Variants in SLCO3A1 observed in about 807,000 individuals in gnomAD.
SLCO3A1 encodes PGE1 transporter.
A neutral mutation model predicts 63.1 loss-of-function variants in SLCO3A1; 27 were observed. The observed-to-expected ratio is 0.43, with a 90% CI of 0.32 to 0.59. The LOEUF (loss-of-function observed/expected upper bound fraction) is 0.59, where lower values mean the gene tolerates loss of function less well. SLCO3A1 is among the 20% of genes least tolerant of loss of function. The probability of loss-of-function intolerance (pLI) is 0.09; values close to 1 mark genes in which losing one functional copy is unlikely to be tolerated. For missense variants in SLCO3A1, 773 were observed against 945.8 expected (o/e 0.82, Z 2.40); for synonymous variants, 473 against 409.9 (o/e 1.15, Z -1.86).
intron 9 of SLCO3A1, chr15:92,153,674 G>A (rs985662557): frequency 6.6e-6 from 1 of 152,310 alleles, no homozygotes; most frequent in Non-Finnish European, 1.5e-5. Context: ...TATGTAGAAG[G>A]GCCTCCTAAT....
intron 2 of SLCO3A1, among the ~76,000 whole-genome samples, chr15:92,016,258 A>ATATAGATAGATAGAT (rs2046433133): frequency 1.6e-5 from 2 of 126,174 alleles, no homozygotes; most frequent in African/African-American, 6.6e-5. Context: ...GATAGATTAG[A>ATATAGATAGATAGAT]TAGATAGATA....
At chr15:91,905,648 TA>T (rs1211589403) in intron 1 of SLCO3A1, among the ~76,000 whole-genome samples, 1 of 151,996 alleles carries the variant, frequency 6.6e-6, no homozygotes, top group African/African-American at 2.4e-5. Context: ...TTTTTTAAGT[TA>T]CGTGGTCAAG....
intron 2 of SLCO3A1, among the ~76,000 whole-genome samples, chr15:92,016,204 T>TATAGATAG (rs1039964856): frequency 0.095 from 11,339 of 119,726 alleles, 641 homozygotes; most frequent in South Asian, 0.13. Context: ...TATATATTTA[T>TATAGATAG]ATAGATAGAT....
At chr15:92,016,254 T>TAGATAGATAGATTAGA in intron 2 of SLCO3A1, among the ~76,000 whole-genome samples, 2,055 of 95,460 alleles carry the variant, frequency 0.022, 21 homozygotes, top group Non-Finnish European at 0.025. Context: ...GATAGATAGA[T>TAGATAGATAGATTAGA]TAGATAGATA....
intron 2 of SLCO3A1, among the ~76,000 whole-genome samples, chr15:92,060,312 T>G (rs112277305): frequency 0.14 from 21,222 of 151,902 alleles, 1,473 homozygotes; most frequent in Non-Finnish European, 0.15. Context: ...GTAATCCCAG[T>G]AGTTTGGGAG....
chr15:92,084,158 T>C lies in SLCO3A1; in HGVS notation c.647-10723T>C, dbSNP rs145166515. Among the ~76,000 whole-genome samples, 514 of 152,280 alleles carry C rather than the reference T, an allele frequency of 3.4e-3. 6 individuals carry two copies. The highest frequency in any genetic ancestry group is 0.012 in the African/African-American group (491 of 41,564). Reference sequence around the variant, plus strand: ...AAGAAAGACAGTACAAATATAATAATGCCTAAAGGGAAATATGAGAACGAT... The same window carrying C: ...AAGAAAGACAGTACAAATATAATAACGCCTAAAGGGAAATATGAGAACGAT... On this transcript the variant is annotated intron_variant, in intron 2 of 9. Transcript: ENST00000318445.
intron 2 of SLCO3A1, among the ~76,000 whole-genome samples, chr15:91,984,906 A>G (rs2046031430): frequency 6.6e-6 from 1 of 152,182 alleles, no homozygotes; most frequent in East Asian, 1.9e-4. Context: ...TTGTATTATT[A>G]TCTTCAACTC....
At chr15:92,011,664 A>G (rs530790893) in intron 2 of SLCO3A1, among the ~76,000 whole-genome samples, 60 of 152,196 alleles carry the variant, frequency 3.9e-4, no homozygotes, top group African/African-American at 1.4e-3. Context: ...TGATGTATTT[A>G]TATTGTTATT....
chr15:91,988,044 T>C (rs191084148), intron 2 of SLCO3A1, among the ~76,000 whole-genome samples: 1 of 152,330 alleles, frequency 6.6e-6, no homozygotes, highest in East Asian at 1.9e-4. Context: ...TGACAGATAA[T>C]TGTGTTTTAT....
At chr15:92,035,272 A>G (rs2046710852) in intron 2 of SLCO3A1, among the ~76,000 whole-genome samples, 2 of 151,822 alleles carry the variant, frequency 1.3e-5, no homozygotes, top group South Asian at 4.2e-4. Flanking sequence ...TGTGCTGTAT[A>G]TGTTATGTCA....
At position 92,164,325 on chromosome 15, in the gene SLCO3A1, G is replaced by A. The variant is rs781761576; in HGVS notation, c.*1190G>A. On this transcript the variant is annotated 3_prime_UTR_variant, in exon 10 of 10. Transcript: ENST00000318445. ...ATGTGTTACAAGAAGAAAAAAAAAT[G>A]CTTCAAAAAGAGAGTGTATATGCAG... 1 of 984,734 alleles carries A rather than the reference G, an allele frequency of 1.0e-6. No individual in the cohort carries two copies. Among genetic ancestry groups the A allele is most frequent in the Non-Finnish European group, 1.2e-6 (1 of 829,330 alleles). The allele number at this position is 984,734 out of a possible 1,614,324, so 61.0% of individuals were successfully genotyped here. A position where few individuals can be genotyped will look rare whatever the true frequency, so the allele number is the denominator to read the frequency against.
intron 2 of SLCO3A1, among the ~76,000 whole-genome samples, chr15:91,961,978 C>A (rs894810922): frequency 1.2e-4 from 19 of 152,202 alleles, no homozygotes; most frequent in Non-Finnish European, 2.2e-4. Flanking sequence ...GAAACCTGGA[C>A]TCAGAAGACT....
At chr15:92,010,824 A>T (rs141617579) in intron 2 of SLCO3A1, among the ~76,000 whole-genome samples, 143 of 152,160 alleles carry the variant, frequency 9.4e-4, no homozygotes, top group African/African-American at 3.3e-3. Context: ...TGTTTTCACA[A>T]CTGTCTCTAT....
At position 91,883,518 on chromosome 15, in the gene SLCO3A1, A is replaced by G. The variant is rs4561447; in HGVS notation, c.180+29430A>G. Among the ~76,000 whole-genome samples the G allele has an allele frequency of 0.066, 10,112 of 152,264 alleles. 478 individuals carry two copies. Among genetic ancestry groups the G allele is most frequent in the Non-Finnish European group, 0.1 (6,851 of 67,996 alleles). On this transcript the variant is annotated intron_variant, in intron 1 of 9. Coordinates refer to ENST00000318445, the MANE Select transcript of SLCO3A1 (RefSeq NM_013272.4). This position sits in a 1 kb window ranked among gnomAD's most constrained non-coding sequence, Gnocchi z 4.8. The stretch of plus-strand genomic sequence containing the variant: ...CCCTTCATCCTTTGCATTTTCTTGC[A>G]TGCAGTAGTCTTCCATAGGGAGTTC...
intron 2 of SLCO3A1, among the ~76,000 whole-genome samples, chr15:91,986,698 G>A (rs999017640): frequency 1.3e-5 from 2 of 152,182 alleles, no homozygotes; most frequent in Admixed American, 1.3e-4. Context: ...GGCAGCCCCA[G>A]AGGGGATCAT....
At chr15:92,065,164 C>G (rs1369878904) in intron 2 of SLCO3A1, among the ~76,000 whole-genome samples, 6 of 152,138 alleles carry the variant, frequency 3.9e-5, no homozygotes, top group South Asian at 2.1e-4. Flanking sequence ...CTCACTGCAA[C>G]CTCTGCCTTC....
At chr15:91,965,775 A>T (rs1368565194) in intron 2 of SLCO3A1, among the ~76,000 whole-genome samples, 1 of 151,186 alleles carries the variant, frequency 6.6e-6, no homozygotes, top group Non-Finnish European at 1.5e-5. Context: ...CGTAGGAGTG[A>T]GTGTGGGTGT....
At chr15:92,056,178 C>G (rs923684628) in intron 2 of SLCO3A1, among the ~76,000 whole-genome samples, 1 of 151,936 alleles carries the variant, frequency 6.6e-6, no homozygotes, top group East Asian at 1.9e-4. Flanking sequence ...CTTCTTTCCC[C>G]TTTATTTCCA....
intron 2 of SLCO3A1, among the ~76,000 whole-genome samples, chr15:92,066,712 G>T (rs1025796770): frequency 2.0e-5 from 3 of 152,180 alleles, no homozygotes; most frequent in Non-Finnish European, 4.4e-5. Flanking sequence ...ATGAGACACC[G>T]CACGGACTGT....
Sources: allele counts gnomAD v4.1 joint callset (sites outside exome capture counted in the v4.1 genomes callset), GRCh38; gene constraint gnomAD v4.1.1; non-coding constraint Gnocchi (gnomAD v3.1); transcripts MANE v1.5; gene names NCBI Gene and HGNC (gene_info 2026-07-23, HGNC 2026-07-21).